WEE1: variants seen among roughly 807,000 people sequenced by gnomAD.
WEE1 encodes the protein wee1-like protein kinase.
Under a neutral mutation model 68.8 loss-of-function variants are expected in WEE1, and 16 were observed. That is an observed-to-expected ratio of 0.23 (90% CI 0.16 to 0.35). The LOEUF (loss-of-function observed/expected upper bound fraction) is 0.35, where lower values mean the gene tolerates loss of function less well. WEE1 is among the 10% of genes least tolerant of loss of function. The pLI is 1.00. For missense variants in WEE1, 651 were observed against 824.1 expected, an observed-to-expected ratio of 0.79 and a Z score of 2.57; for synonymous variants, 349 against 318.7, an observed-to-expected ratio of 1.09 and a Z score of -1.01.
chr11:9,588,984 A>G lies in WEE1; in HGVS notation c.*382A>G, dbSNP rs964567579. On this transcript the variant is annotated 3_prime_UTR_variant, in exon 11 of 11. Transcript: ENST00000450114. ...CCCTCCCTTTGAAAAGGGACATGCT[A>G]AAAGACTCATTACTACTCAGCCTTC... The G allele has an allele frequency of 1.7e-5, 17 of 987,080 alleles. No homozygotes were observed. Among genetic ancestry groups the G allele is most frequent in the Middle Eastern group, 5.1e-4 (1 of 1,942 alleles). 61.1% of individuals were successfully genotyped at this position (987,080 alleles called of 1,614,324 possible).
chr11:9,581,099 G>A (rs1849622755), intron 5 of WEE1: 1 of 157,934 alleles, frequency 6.3e-6, no homozygotes, highest in South Asian at 1.9e-4. Context: ...CCTAAAGAGG[G>A]GTAAACTGGC....
Position 9,582,882 on chromosome 11 carries a change from AG to A in WEE1, c.1288+1205del, listed in dbSNP as rs560826264. On this transcript the variant is annotated intron_variant, in intron 6 of 10. Coordinates refer to ENST00000450114, the MANE Select transcript of WEE1 (RefSeq NM_003390.4). ...GCCCAGCATGTTTTTTATTTTCAAAAGACAAAAATATATTTGGATTTAAGGC... is the reference window on the plus strand; with the variant it reads ...GCCCAGCATGTTTTTTATTTTCAAAAACAAAAATATATTTGGATTTAAGGC... Among the ~76,000 whole-genome samples the A allele has an allele frequency of 1.8e-3, 275 of 152,352 alleles. 2 individuals are homozygous for A. The highest frequency in any genetic ancestry group is 6.5e-3 in the African/African-American group (272 of 41,592).
rs1401953665 is a variant in WEE1, at chr11:9,585,284, A to G, written c.1315A>G (p.Ile439Val). 11 of 1,613,946 alleles carry G rather than the reference A, an allele frequency of 6.8e-6. No individual in the cohort carries two copies. The highest frequency in any genetic ancestry group is 1.3e-5 in the African/African-American group (1 of 74,942). The change falls in exon 7 of 11, where the codon ATC becomes GTC. Residue 439 changes from isoleucine (I) to valine (V), a missense_variant. Around this residue, in one of 5 missense-constraint regions of WEE1, gnomAD observed 82 missense variants for 123.2 expected, o/e 0.67. Coordinates refer to ENST00000450114, the MANE Select transcript of WEE1 (RefSeq NM_003390.4). The part of the protein sequence containing the change: ...PSNIFISRTS[I>V]PNAASEEGDE... Reference sequence around the variant, plus strand: ...TAATATTTTCATATCTCGAACCTCAATCCCAAATGCTGCCTCTGAAGAAGG... The same window carrying G: ...TAATATTTTCATATCTCGAACCTCAGTCCCAAATGCTGCCTCTGAAGAAGG...
chr11:9,575,690 TCAAGAAAAGA>T, intron 1 of WEE1, 188 bp from the exon 2 acceptor site: 1 of 591,486 alleles, frequency 1.7e-6, no homozygotes, highest in Non-Finnish European at 2.9e-6. Flanking sequence ...GCTATTTTTT[TCAAGAAAAGA>T]TAGTTAATAT....
rs1849629055 is a variant in WEE1 at position 9,581,594 on chromosome 11, G to A, written c.1204G>A (p.Glu402Lys). 1.2e-6 allele frequency: 2 copies of A among 1,612,766 alleles called. No homozygotes were observed. Among genetic ancestry groups the A allele is most frequent in the Admixed American group, 1.7e-5 (1 of 59,786 alleles). The change falls in exon 6 of 11, where the codon GAG becomes AAG. Residue 402 changes from glutamate (E) to lysine (K), a missense_variant. Around this residue, in one of 5 missense-constraint regions of WEE1, gnomAD observed 82 missense variants for 123.2 expected, o/e 0.67. Transcript: ENST00000450114. ...YRIMSYFKEA[E>K]LKDLLLQVGR... is the part of the protein sequence containing the mutation. The stretch of plus-strand genomic sequence containing the variant: ...AATCATGAGTTACTTTAAAGAAGCA[G>A]AGTTGAAGGATCTCCTTTTGCAAGT...
rs749523604 is a variant in WEE1 at position 9,589,196 on chromosome 11, CATT to C, written c.*595_*597del. ...CTGTAAACTTGTAGCATTAAACAAT[CATT>C]GTTGTTAATAGGTCTTCTTTTTGAA... On this transcript the variant is annotated 3_prime_UTR_variant, in exon 11 of 11. Coordinates refer to ENST00000450114, the MANE Select transcript of WEE1 (RefSeq NM_003390.4). The C allele has an allele frequency of 4.0e-4, 395 of 985,422 alleles. No homozygotes were observed. The highest frequency in any genetic ancestry group is 2.1e-3 in the African/African-American group (118 of 57,262). 61.0% of individuals were successfully genotyped at this position (985,422 alleles called of 1,614,324 possible). A position where few individuals can be genotyped will look rare whatever the true frequency, so the allele number is the denominator to read the frequency against.
At chr11:9,582,736 T>C (rs1849641861) in intron 6 of WEE1, among the ~76,000 whole-genome samples, 1 of 152,078 alleles carries the variant, frequency 6.6e-6, no homozygotes, top group Non-Finnish European at 1.5e-5. Context: ...CCGGCTAATT[T>C]TTTGTATTTT....
At position 9,576,366 on chromosome 11, in the gene WEE1, A is replaced by G; in HGVS notation, c.846+73A>G. On this transcript the variant is annotated intron_variant, in intron 3 of 10. Transcript: ENST00000450114. The surrounding 1 kb of genome is among the most constrained non-coding windows in gnomAD (Gnocchi z 4.3). ...CTTAAAGCATGCTATGAATATGTTA[A>G]TAAGCATTAACACATAAGGTAGAAT... 1.9e-6 allele frequency: 3 copies of G among 1,540,364 alleles called. No homozygotes were observed. Among genetic ancestry groups the G allele is most frequent in the Non-Finnish European group, 2.6e-6 (3 of 1,139,652 alleles).
intron 6 of WEE1, chr11:9,585,044 T>A (rs1565090497): frequency 1.9e-6 from 1 of 528,180 alleles, no homozygotes; most frequent in Non-Finnish European, 3.3e-6. Context: ...CCAGCTTGGG[T>A]GACAGAGCAC....
chr11:9,574,172 G>A lies in WEE1; in HGVS notation c.239G>A (p.Gly80Glu). The A allele has an allele frequency of 8.5e-7, 1 of 1,182,276 alleles. No individual in the cohort carries two copies. The highest frequency in any genetic ancestry group is 1.0e-6 in the Non-Finnish European group (1 of 956,732). 73.2% of individuals were successfully genotyped at this position (1,182,276 alleles called of 1,614,324 possible). Residue 80 changes from glycine to glutamate, a missense_variant, in exon 1 of 11, where the codon GGG becomes GAG. Around this residue, in one of 5 missense-constraint regions of WEE1, gnomAD observed 395 missense variants for 378.4 expected, o/e 1.04. Coordinates refer to ENST00000450114, the MANE Select transcript of WEE1 (RefSeq NM_003390.4). The surrounding 1 kb of genome is among the most constrained non-coding windows in gnomAD (Gnocchi z 4.9). ...GGGCCCGAGCGCCGCCGCTCGCCCG[G>A]GCCGGCCCCCGGCAGCCCCGGCGAG... is the stretch of plus-strand genomic sequence containing the variant. Reference protein sequence around the residue: ...EPGPERRRSPGPAPGSPGELE... With the variant: ...EPGPERRRSPEPAPGSPGELE...
Position 9,589,287 on chromosome 11 carries a change from T to G in WEE1, c.*685T>G, listed in dbSNP as rs200750136. On this transcript the variant is annotated 3_prime_UTR_variant, in exon 11 of 11. Transcript: ENST00000450114. ...GCAGCTATTTGCCTTTTTTTTTTTT[T>G]CCTTTGAACTTTGAAGCTAGTGCAT... The G allele has an allele frequency of 2.7e-5, 25 of 938,940 alleles. No homozygotes were observed. The highest frequency in any genetic ancestry group is 2.7e-5 in the Non-Finnish European group (21 of 786,868). 58.2% of individuals were successfully genotyped at this position (938,940 alleles called of 1,614,324 possible). A position where few individuals can be genotyped will look rare whatever the true frequency, so the allele number is the denominator to read the frequency against.
Position 9,588,784 on chromosome 11 carries a change from TA to T in WEE1, c.*184del. ...ATGATTGCTATGTCAGGCTTTCATC[TA>T]ATCTTACCAGTCTGTCTTCTGTAGG... On this transcript the variant is annotated 3_prime_UTR_variant, in exon 11 of 11. Coordinates refer to ENST00000450114, the MANE Select transcript of WEE1 (RefSeq NM_003390.4). 1 of 1,236,654 alleles carries T rather than the reference TA, an allele frequency of 8.1e-7. No homozygotes were observed. The allele number at this position is 1,236,654 out of a possible 1,614,324, so 76.6% of individuals were successfully genotyped here. A position where few individuals can be genotyped will look rare whatever the true frequency, so the allele number is the denominator to read the frequency against.
chr11:9,574,382 C>T lies in WEE1; in HGVS notation c.449C>T (p.Ser150Leu). 8.2e-7 allele frequency: 1 copy of T among 1,219,394 alleles called. No homozygotes were observed. Among genetic ancestry groups the T allele is most frequent in the Non-Finnish European group, 1.0e-6 (1 of 982,904 alleles). 75.5% of individuals were successfully genotyped at this position (1,219,394 alleles called of 1,614,324 possible). Reference protein sequence around the residue: ...PVRCGGPGDASPRGCGARRAG... With the variant: ...PVRCGGPGDALPRGCGARRAG... ...CGCTGCGGCGGCCCAGGAGATGCGT[C>T]GCCGCGGGGTTGCGGGGCGCGCCGG... Residue 150 changes from serine (S) to leucine (L), a missense_variant, in exon 1 of 11, where the codon TCG (serine) becomes TTG (leucine). By Grantham distance (145) the Ser-to-Leu change is moderately radical. Transcript: ENST00000450114. This position sits in a 1 kb window ranked among gnomAD's most constrained non-coding sequence, Gnocchi z 4.9.
chr11:9,586,711 G>A lies in WEE1; in HGVS notation c.1642G>A (p.Val548Ile), dbSNP rs185380974. ...CCTTCATTTTACTTTTCTTTTTAAG[G>A]TTATGATTCATCCAGATCCAGAGAG... Reference protein sequence around the residue: ...LSQEFTELLKVMIHPDPERRP... With the variant: ...LSQEFTELLKIMIHPDPERRP... The change falls in exon 10 of 11, where the codon GTT (valine) becomes ATT (isoleucine). Residue 548 changes from valine to isoleucine, a missense_variant and splice_region_variant. Physicochemically the swap from Val to Ile is conservative, Grantham distance 29. Coordinates refer to ENST00000450114, the MANE Select transcript of WEE1 (RefSeq NM_003390.4). 6.2e-7 allele frequency: 1 copy of A among 1,613,016 alleles called. No homozygotes were observed. The highest frequency in any genetic ancestry group is 2.2e-5 in the East Asian group (1 of 44,862).
chr11:9,577,285 T>C, intron 5 of WEE1, 22 bp downstream of exon 5: 2 of 1,602,330 alleles, frequency 1.2e-6, no homozygotes, highest in Non-Finnish European at 1.7e-6. Context: ...AATGGTTTTC[T>C]TGTGAGCTTG....
In WEE1 at chr11:9,585,481, T is replaced by G. The variant is rs532283069; in HGVS notation, c.1424T>G (p.Val475Gly). The G allele has an allele frequency of 6.2e-7, 1 of 1,604,314 alleles. No homozygotes were observed. The highest frequency in any genetic ancestry group is 1.3e-5 in the African/African-American group (1 of 74,372). ...GHVTRISSPQVEEGDSRFLAN... is the reference protein window; with the variant it reads ...GHVTRISSPQGEEGDSRFLAN... ...GTAACAAGGATCTCCAGTCCACAAG[T>G]TGAAGAGGGCGATAGTCGTTTTCTT... Residue 475 changes from valine (V) to glycine (G), a missense_variant, in exon 8 of 11, where the codon GTT (valine) becomes GGT (glycine). Physicochemically the swap from Val to Gly is moderately radical, Grantham distance 109. Transcript: ENST00000450114.
chr11:9,588,427 T>C, intron 10 of WEE1, 22 bp from the exon 11 acceptor site: 1 of 1,533,780 alleles, frequency 6.5e-7, no homozygotes, highest in Non-Finnish European at 8.8e-7. Context: ...GAATAATACC[T>C]TGTTTTCTAT....
Position 9,574,879 on chromosome 11 carries a change from C to G in WEE1, c.576+370C>G. ...GCCCGGCCACCTGACACTCCCGAGC[C>G]ATAGGATGCCTTTTAAACGCGGCGA... On this transcript the variant is annotated intron_variant, in intron 1 of 10. Transcript: ENST00000450114. The surrounding 1 kb of genome is among the most constrained non-coding windows in gnomAD (Gnocchi z 4.9). 3.0e-6 allele frequency: 3 copies of G among 987,746 alleles called. No individual in the cohort carries two copies. The highest frequency in any genetic ancestry group is 3.6e-6 in the Non-Finnish European group (3 of 831,482). The allele number at this position is 987,746 out of a possible 1,614,324, so 61.2% of individuals were successfully genotyped here.
At position 9,576,147 on chromosome 11, in the gene WEE1, T is replaced by C; in HGVS notation, c.782+54T>C. The C allele has an allele frequency of 6.2e-7, 1 of 1,609,228 alleles. No homozygotes were observed. Among genetic ancestry groups the C allele is most frequent in the Admixed American group, 1.7e-5 (1 of 59,516 alleles). ...TCCAAATAACCTAAGATTGGTTTGG[T>C]ATACTTATCAAAATTTAGTTCCTAT... On this transcript the variant is annotated intron_variant, in intron 2 of 10. Transcript: ENST00000450114. The surrounding 1 kb of genome is among the most constrained non-coding windows in gnomAD (Gnocchi z 4.3).
Sources: allele counts gnomAD v4.1 joint callset (sites outside exome capture counted in the v4.1 genomes callset), GRCh38; gene constraint gnomAD v4.1.1; regional missense constraint gnomAD v4.1.1; non-coding constraint Gnocchi (gnomAD v3.1); transcripts MANE v1.5; gene names NCBI Gene and HGNC (gene_info 2026-07-23, HGNC 2026-07-21).